FNTA: variants seen among roughly 807,000 people sequenced by gnomAD.
The protein encoded by FNTA is farnesyltransferase, CAAX box, subunit alpha.
A neutral mutation model predicts 55.2 loss-of-function variants in FNTA; 27 were observed. The observed-to-expected ratio is 0.49, with a 90% CI of 0.36 to 0.67. FNTA has a LOEUF of 0.67. Ranked by LOEUF, FNTA falls within the 30% of genes least tolerant of loss-of-function variation. FNTA has a pLI of 0.00. For missense variants in FNTA, 422 were observed against 464.7 expected (o/e 0.91, Z 0.85); for synonymous variants, 176 against 170.7 (o/e 1.03, Z -0.24).
chr8:43,073,245 AACTT>A (rs1182119177), intron 5 of FNTA, among the ~76,000 whole-genome samples: 2 of 152,198 alleles, frequency 1.3e-5, no homozygotes. Flanking sequence ...ATCTCTGAAA[AACTT>A]AATCACATAA....
intron 6 of FNTA, 97 bp downstream of exon 6, chr8:43,077,461 C>A: frequency 1.1e-6 from 1 of 898,476 alleles, no homozygotes; most frequent in Non-Finnish European, 1.7e-6. Context: ...GATCCTACCC[C>A]ATGGAACTAA....
intron 7 of FNTA, among the ~76,000 whole-genome samples, chr8:43,084,072 GAAA>G (rs796564498): frequency 7.5e-6 from 1 of 134,016 alleles, no homozygotes; most frequent in South Asian, 2.3e-4. Context: ...CTGTCTCAAA[GAAA>G]AAAAAAAAAG....
intron 7 of FNTA, among the ~76,000 whole-genome samples, chr8:43,084,411 G>A (rs1811086287): frequency 6.6e-6 from 1 of 151,752 alleles, no homozygotes; most frequent in South Asian, 2.1e-4. Context: ...TAGTAGAGAC[G>A]AGATCTTGCT....
At chr8:43,083,450 A>G (rs982275392) in intron 7 of FNTA, among the ~76,000 whole-genome samples, 3 of 152,214 alleles carry the variant, frequency 2.0e-5, no homozygotes, top group Non-Finnish European at 2.9e-5. Context: ...TAGTCTTTAT[A>G]TCAAAGAATG....
chr8:43,060,242 A>G (rs1810499429), intron 2 of FNTA, among the ~76,000 whole-genome samples: 1 of 152,254 alleles, frequency 6.6e-6, no homozygotes, highest in African/African-American at 2.4e-5. Context: ...ATGAAGAGAT[A>G]TTAACCTTAC....
intron 1 of FNTA, chr8:43,057,110 CTT>C (rs755500916): frequency 6.6e-6 from 1 of 152,194 alleles, no homozygotes; most frequent in Non-Finnish European, 1.5e-5. Context: ...CTGAACCTCT[CTT>C]AAGTCTCCCT....
chr8:43,069,782 T>C (rs1040201787), intron 4 of FNTA, 123 bp downstream of exon 4: 88 of 627,722 alleles, frequency 1.4e-4, no homozygotes, highest in African/African-American at 1.8e-5. Flanking sequence ...GTAGCTGGGA[T>C]TACAGGTGCA....
chr8:43,068,139 G>A (rs1383729987), intron 3 of FNTA, among the ~76,000 whole-genome samples: 1 of 151,948 alleles, frequency 6.6e-6, no homozygotes, highest in Non-Finnish European at 1.5e-5. Flanking sequence ...CTCGTGATCC[G>A]CCCACCTCGG....
At chr8:43,060,626 G>A (rs189267851) in intron 2 of FNTA, among the ~76,000 whole-genome samples, 3 of 150,146 alleles carry the variant, frequency 2.0e-5, no homozygotes, top group East Asian at 3.9e-4. Flanking sequence ...AGTGAGCCAC[G>A]ATCACGCCAT....
chr8:43,077,055 T>TC (rs1810928701), intron 5 of FNTA, 161 bp from the exon 6 acceptor site: 1 of 484,360 alleles, frequency 2.1e-6, no homozygotes, highest in Admixed American at 3.9e-5. Flanking sequence ...CATACTTGTA[T>TC]CCCCCTCTAT....
intron 1 of FNTA, 72 bp downstream of exon 1, chr8:43,056,618 C>A: frequency 9.7e-7 from 1 of 1,033,774 alleles, no homozygotes; most frequent in Non-Finnish European, 1.2e-6. Context: ...CCGCGGCGCG[C>A]GCTTCCGGCC....
intron 5 of FNTA, among the ~76,000 whole-genome samples, chr8:43,074,689 G>A (rs146246361): frequency 5.1e-4 from 77 of 152,236 alleles, no homozygotes; most frequent in African/African-American, 1.5e-3. Flanking sequence ...TGGCTCCATT[G>A]AGATAATATC....
chr8:43,084,587 C>T lies in FNTA; in HGVS notation c.846-123C>T, dbSNP rs1811089365. 3.2e-5 allele frequency: 22 copies of T among 692,566 alleles called. 1 individual carries two copies. The South Asian group carries it at 4.3e-4, about 14-fold the overall frequency. The allele number at this position is 692,566 out of a possible 1,614,324, so 42.9% of individuals were successfully genotyped here. ...AAAAGTTTCATTATAGTTTCAGCGT[C>T]ATTCATTCAAAATAACTCTCCTTTT... On this transcript the variant is annotated intron_variant, in intron 7 of 8. Transcript: ENST00000302279.
Position 43,072,109 on chromosome 8 carries a change from C to T in FNTA, c.507-72C>T. ...TGTGTGTCCTTTCATGTCACCTTTA[C>T]AACATGTGCAACTGATATTTTAGTT... On this transcript the variant is annotated intron_variant, in intron 4 of 8. Coordinates refer to ENST00000302279, the MANE Select transcript of FNTA (RefSeq NM_002027.3). 4.1e-6 allele frequency: 5 copies of T among 1,208,416 alleles called. No homozygotes were observed. In the South Asian group the frequency reaches 9.2e-5, roughly 22 times the overall value. The allele number at this position is 1,208,416 out of a possible 1,614,324, so 74.9% of individuals were successfully genotyped here.
chr8:43,076,430 G>C (rs1473296822), intron 5 of FNTA, among the ~76,000 whole-genome samples: 1 of 152,136 alleles, frequency 6.6e-6, no homozygotes, highest in African/African-American at 2.4e-5. Context: ...TTCTGCCTCA[G>C]CCTCCTGAAG....
intron 8 of FNTA, 74 bp from the exon 9 acceptor site, chr8:43,085,086 A>T: frequency 1.5e-6 from 2 of 1,307,726 alleles, no homozygotes; most frequent in Non-Finnish European, 2.1e-6. Context: ...TTTGAGTTAA[A>T]TTGTATTGGC....
At position 43,085,258 on chromosome 8, in the gene FNTA, C is replaced by T; in HGVS notation, c.1116C>T (p.Asp372=). ...SLQSKHSTEN[D]SPTNVQQ ...AAAGCAAACACAGCACAGAAAATGA[C>T]TCACCAACAAATGTACAGCAATAAC... Residue 372 remains aspartate, a synonymous_variant, in exon 9 of 9, where the codon GAC becomes GAT. Transcript: ENST00000302279. 6.2e-7 allele frequency: 1 copy of T among 1,607,566 alleles called. No individual in the cohort carries two copies. Among genetic ancestry groups the T allele is most frequent in the Non-Finnish European group, 8.5e-7 (1 of 1,178,802 alleles).
rs200780088 is a variant in FNTA, at chr8:43,069,562, C to T, written c.409C>T (p.Arg137Trp). 3 of 1,608,506 alleles carry T rather than the reference C, an allele frequency of 1.9e-6. No homozygotes were observed. Among genetic ancestry groups the T allele is most frequent in the South Asian group, 1.1e-5 (1 of 90,886 alleles). ...GTTGTATGTTTGCCCTAGGCATTTCCGGAGAGTTCTTTTGAAGTCACTTCA... is the reference window on the plus strand; with the variant it reads ...GTTGTATGTTTGCCCTAGGCATTTCTGGAGAGTTCTTTTGAAGTCACTTCA... ...NAANYTVWHFRRVLLKSLQKD... is the reference protein window; with the variant it reads ...NAANYTVWHFWRVLLKSLQKD... The change falls in exon 4 of 9, where the codon CGG (arginine) becomes TGG (tryptophan). Residue 137 changes from arginine (R) to tryptophan (W), a missense_variant. This residue lies in a region of FNTA where 262 missense variants were observed against 343.1 expected (regional missense o/e 0.76). Coordinates refer to ENST00000302279, the MANE Select transcript of FNTA (RefSeq NM_002027.3).
In FNTA at chr8:43,085,423, C is replaced by G. The variant is rs528788946; in HGVS notation, c.*141C>G. ...TATTGCTTTTTAACAAGAACTGATG[C>G]TCCTTGGGTGCTGCTGCTACTCAGA... On this transcript the variant is annotated 3_prime_UTR_variant, in exon 9 of 9. Transcript: ENST00000302279. 2.8e-6 allele frequency: 2 copies of G among 719,426 alleles called. No homozygotes were observed. The highest frequency in any genetic ancestry group is 5.8e-5 in the East Asian group (2 of 34,628). 44.6% of individuals were successfully genotyped at this position (719,426 alleles called of 1,614,324 possible).
Sources: allele counts gnomAD v4.1 joint callset (sites outside exome capture counted in the v4.1 genomes callset), GRCh38; gene constraint gnomAD v4.1.1; regional missense constraint gnomAD v4.1.1; transcripts MANE v1.5; gene names NCBI Gene and HGNC (gene_info 2026-07-23, HGNC 2026-07-21).